The following SYNPR variants were observed in gnomAD, a reference collection of about 807,000 sequenced individuals.
SYNPR encodes the protein synaptoporin.
In SYNPR, 23 loss-of-function variants were observed where a neutral mutation model predicts 32.9. The observed-to-expected ratio is 0.70, with a 90% CI of 0.50 to 0.99. SYNPR has a LOEUF of 0.99. Among genes scored for constraint, SYNPR ranks in the 50% least tolerant of loss-of-function variants. The pLI is 0.00. For missense variants in SYNPR, 318 were observed against 349.3 expected (o/e 0.91, Z 0.71); for synonymous variants, 146 against 135.9 (o/e 1.07, Z -0.52).
chr3:63,380,120 C>G (rs986807044), intron 2 of SYNPR, among the ~76,000 whole-genome samples: 2 of 151,988 alleles, frequency 1.3e-5, no homozygotes, highest in South Asian at 4.2e-4. Context: ...CAAGTCTTTG[C>G]TATTGTGAAT....
At chr3:63,408,267 A>AAG (rs1216549846) in intron 2 of SYNPR, among the ~76,000 whole-genome samples, 1 of 118,808 alleles carries the variant, frequency 8.4e-6, no homozygotes, top group Admixed American at 8.6e-5. Flanking sequence ...GAAAGAAAGA[A>AAG]AGAAAGAAAG....
intron 3 of SYNPR, among the ~76,000 whole-genome samples, chr3:63,497,446 A>T (rs1701392897): frequency 6.6e-6 from 1 of 152,162 alleles, no homozygotes; most frequent in South Asian, 2.1e-4. Flanking sequence ...TCTTGCTAAA[A>T]TGAGAAGGGA....
At chr3:63,399,297 G>T (rs2088258464) in intron 2 of SYNPR, among the ~76,000 whole-genome samples, 1 of 152,196 alleles carries the variant, frequency 6.6e-6, no homozygotes, top group Non-Finnish European at 1.5e-5. Flanking sequence ...TGTAGACAGA[G>T]ATATTCTCTC....
At chr3:63,606,844 C>G (rs781071842) in intron 4 of SYNPR, among the ~76,000 whole-genome samples, 8 of 152,134 alleles carry the variant, frequency 5.3e-5, no homozygotes, top group Non-Finnish European at 1.0e-4. Context: ...TTTGTTTAAC[C>G]TTTGGTGTCT....
At chr3:63,339,021 C>T (rs1445126603) in intron 2 of SYNPR, among the ~76,000 whole-genome samples, 1 of 152,188 alleles carries the variant, frequency 6.6e-6, no homozygotes, top group African/African-American at 2.4e-5. Context: ...GAATCTTTGC[C>T]TGCTGCGTTT....
intron 2 of SYNPR, among the ~76,000 whole-genome samples, chr3:63,478,793 C>T (rs1019012857): frequency 3.3e-5 from 5 of 152,124 alleles, no homozygotes; most frequent in African/African-American, 4.8e-5. Flanking sequence ...TCCATTGCCA[C>T]GGCATGGGGC....
At chr3:63,428,835 T>C (rs1213874799) in intron 2 of SYNPR, among the ~76,000 whole-genome samples, 1 of 152,172 alleles carries the variant, frequency 6.6e-6, no homozygotes, top group Non-Finnish European at 1.5e-5. Context: ...AGACCTAGGC[T>C]CAGAATGTGC....
At chr3:63,262,880 G>T (rs968986313) in intron 2 of SYNPR, among the ~76,000 whole-genome samples, 1 of 152,160 alleles carries the variant, frequency 6.6e-6, no homozygotes, top group Non-Finnish European at 1.5e-5. Context: ...TCTGACCCAA[G>T]GCAGGTTTGA....
chr3:63,380,840 C>A (rs974498146), intron 2 of SYNPR, among the ~76,000 whole-genome samples: 2 of 152,098 alleles, frequency 1.3e-5, no homozygotes, highest in African/African-American at 4.8e-5. Context: ...AGGCCTTTGA[C>A]AAAATTCAAC....
intron 2 of SYNPR, among the ~76,000 whole-genome samples, chr3:63,347,529 C>T (rs534214667): frequency 6.6e-6 from 1 of 152,258 alleles, no homozygotes; most frequent in East Asian, 1.9e-4. Flanking sequence ...AGTTTTGTTA[C>T]ATGGATATAT....
chr3:63,479,785 A>G (rs1460049854), intron 2 of SYNPR, among the ~76,000 whole-genome samples: 1 of 152,188 alleles, frequency 6.6e-6, no homozygotes, highest in Non-Finnish European at 1.5e-5. Context: ...TGAGGAAATC[A>G]AGACATGAGG....
chr3:63,435,072 A>G (rs1700056827), intron 2 of SYNPR, among the ~76,000 whole-genome samples: 1 of 152,174 alleles, frequency 6.6e-6, no homozygotes, highest in Non-Finnish European at 1.5e-5. Flanking sequence ...TTTAATCTCT[A>G]AACAACTGTC....
At chr3:63,579,264 A>T (rs1366172881) in intron 4 of SYNPR, among the ~76,000 whole-genome samples, 1 of 152,124 alleles carries the variant, frequency 6.6e-6, no homozygotes, top group African/African-American at 2.4e-5. Flanking sequence ...GCTTGCTCCC[A>T]TCTCAGGGGC....
At chr3:63,366,846 A>G (rs1202105429) in intron 2 of SYNPR, among the ~76,000 whole-genome samples, 1 of 152,216 alleles carries the variant, frequency 6.6e-6, no homozygotes, top group African/African-American at 2.4e-5. Context: ...AACTTGCCCC[A>G]AGGTCACACA....
chr3:63,544,418 G>A (rs957759826), intron 3 of SYNPR, among the ~76,000 whole-genome samples: 7 of 151,998 alleles, frequency 4.6e-5, no homozygotes, highest in Non-Finnish European at 1.0e-4. Context: ...TTCCAAAGCC[G>A]ACAGGATAAT....
chr3:63,290,185 C>G (rs2086725254), intron 2 of SYNPR, among the ~76,000 whole-genome samples: 1 of 151,826 alleles, frequency 6.6e-6, no homozygotes, highest in South Asian at 2.1e-4. Flanking sequence ...CAAGAGATCC[C>G]ACTACTTGCC....
intron 2 of SYNPR, among the ~76,000 whole-genome samples, chr3:63,471,637 A>C (rs1248906387): frequency 6.6e-6 from 1 of 152,236 alleles, no homozygotes; most frequent in Admixed American, 6.5e-5. Context: ...GCAGTTAACA[A>C]AACCTTTCTG....
intron 2 of SYNPR, among the ~76,000 whole-genome samples, chr3:63,357,231 AC>A (rs2087595006): frequency 6.6e-6 from 1 of 152,122 alleles, no homozygotes; most frequent in Non-Finnish European, 1.5e-5. Flanking sequence ...TCTGGTGCTC[AC>A]ACTATCCCTG....
intron 2 of SYNPR, among the ~76,000 whole-genome samples, chr3:63,291,929 C>T (rs965110603): frequency 3.3e-5 from 5 of 152,098 alleles, no homozygotes; most frequent in African/African-American, 7.2e-5. Context: ...ATTTCATCAT[C>T]GTGCATACAC....
Sources: allele counts gnomAD v4.1 joint callset (sites outside exome capture counted in the v4.1 genomes callset), GRCh38; gene constraint gnomAD v4.1.1; transcripts MANE v1.5; gene names NCBI Gene and HGNC (gene_info 2026-07-23, HGNC 2026-07-21).